SSUH2: variants seen among roughly 807,000 people sequenced by gnomAD.
The protein encoded by SSUH2 is protein SSUH2 homolog.
In SSUH2, 47 loss-of-function variants were observed where a neutral mutation model predicts 55.3. That is an observed-to-expected ratio of 0.85 (90% CI 0.67 to 1.08). The LOEUF (loss-of-function observed/expected upper bound fraction) is 1.08. Ranked by LOEUF, SSUH2 falls within the 50% of genes least tolerant of loss-of-function variation. The pLI is 0.00. For missense variants in SSUH2, 535 were observed against 490.7 expected (o/e 1.09, Z -0.85); for synonymous variants, 212 against 191.5 (o/e 1.11, Z -0.89).
chr3:8,663,180 T>C (rs1310587246), intron 6 of SSUH2, among the ~76,000 whole-genome samples: 2 of 152,202 alleles, frequency 1.3e-5, no homozygotes, highest in Admixed American at 6.5e-5. Context: ...TTATCCCCAT[T>C]TTACAGCTCA....
At chr3:8,677,186 C>T (rs573382263) in intron 3 of SSUH2, 39 of 151,928 alleles carry the variant, frequency 2.6e-4, no homozygotes, top group Non-Finnish European at 5.0e-4. Flanking sequence ...ATCGCGGATC[C>T]TAAGATCCTT....
At chr3:8,625,503 A>T in intron 10 of SSUH2, 39 bp downstream of exon 10, 1 of 1,337,778 alleles carries the variant, frequency 7.5e-7, no homozygotes, top group Middle Eastern at 1.8e-4. Flanking sequence ...CAGAGGAGGA[A>T]CCCAGCTTCC....
intron 1 of SSUH2, among the ~76,000 whole-genome samples, chr3:8,636,886 C>G (rs541567906): frequency 6.6e-6 from 1 of 152,168 alleles, no homozygotes; most frequent in Non-Finnish European, 1.5e-5. Flanking sequence ...AAGGTTGTGA[C>G]TTGCCCAAGA....
Position 8,635,819 on chromosome 3 carries a change from C to T in SSUH2, c.67G>A (p.Ala23Thr), listed in dbSNP as rs1575156278. The change falls in exon 2 of 12, where the codon GCG becomes ACG. Residue 23 changes from alanine to threonine, a missense_variant. Transcript: ENST00000544814. ...CTCTCCAGGAGCTCTGTGGGGGGCG[C>T]CAGAGGACTCTCGGCCTCAAAACTG... ...DLSFEAESPL[A>T]PPTELLERLP... The T allele has an allele frequency of 2.0e-6, 3 of 1,536,062 alleles. No homozygotes were observed. The highest frequency in any genetic ancestry group is 2.7e-5 in the African/African-American group (2 of 73,172).
At chr3:8,667,437 G>A (rs1704091587) in intron 5 of SSUH2, among the ~76,000 whole-genome samples, 2 of 152,162 alleles carry the variant, frequency 1.3e-5, no homozygotes. Context: ...ATTTTGGCTG[G>A]CTTCTTTACC....
intron 1 of SSUH2, chr3:8,640,126 A>C: frequency 1.1e-5 from 5 of 442,116 alleles, no homozygotes; most frequent in Non-Finnish European, 1.5e-5. Flanking sequence ...CAGATTTACA[A>C]GGTGAAAGGG....
At chr3:8,638,220 C>T (rs1700240522) in intron 1 of SSUH2, among the ~76,000 whole-genome samples, 1 of 152,122 alleles carries the variant, frequency 6.6e-6, no homozygotes, top group Admixed American at 6.5e-5. Context: ...AGATCAAGGT[C>T]AGGGCTGGAC....
intron 7 of SSUH2, among the ~76,000 whole-genome samples, chr3:8,628,169 C>A (rs557218903): frequency 6.6e-6 from 1 of 152,220 alleles, no homozygotes; most frequent in East Asian, 1.9e-4. Flanking sequence ...GCTGTGCTCC[C>A]AGTTGGGCTC....
At chr3:8,671,094 G>T in exon 5 of SSUH2, 1 of 276,764 alleles carries the variant, frequency 3.6e-6, no homozygotes, top group South Asian at 3.3e-5. Flanking sequence ...AGTCCCGCTA[G>T]GATATTACGA....
chr3:8,627,851 C>A, intron 7 of SSUH2, 68 bp from the exon 8 acceptor site: 1 of 1,451,672 alleles, frequency 6.9e-7, no homozygotes, highest in South Asian at 1.3e-5. Flanking sequence ...CATCCCAAGA[C>A]CTGGTTCAAA....
intron 10 of SSUH2, among the ~76,000 whole-genome samples, chr3:8,624,169 C>A (rs192423814): frequency 4.6e-5 from 7 of 152,336 alleles, no homozygotes; most frequent in Admixed American, 1.3e-4. Context: ...TTCTGCCAGG[C>A]TTGAAAGCCT....
intron 7 of SSUH2, 31 bp downstream of exon 7, chr3:8,629,633 C>A (rs2125142284): frequency 6.3e-7 from 1 of 1,587,726 alleles, no homozygotes; most frequent in South Asian, 1.1e-5. Flanking sequence ...CACACCCTCA[C>A]TGACTCACCA....
intron 11 of SSUH2, among the ~76,000 whole-genome samples, chr3:8,623,166 C>T (rs1193469434): frequency 6.6e-6 from 1 of 152,184 alleles, no homozygotes; most frequent in Non-Finnish European, 1.5e-5. Flanking sequence ...TTGGGAAGTG[C>T]CAGGGGCCTC....
intron 2 of SSUH2, among the ~76,000 whole-genome samples, chr3:8,679,543 C>T (rs1294212735): frequency 3.5e-5 from 5 of 144,604 alleles, no homozygotes; most frequent in Admixed American, 6.9e-5. Context: ...GCACCCTCAG[C>T]GAGGCAGGAA....
upstream of SSUH2, among the ~76,000 whole-genome samples, chr3:8,646,990 T>C (rs925013339): frequency 2.6e-5 from 4 of 152,238 alleles, no homozygotes; most frequent in African/African-American, 9.6e-5. Flanking sequence ...AGGAGCTGAC[T>C]CTATCAATTG....
Position 8,635,866 on chromosome 3 carries a change from A to G in SSUH2, c.29-9T>C, listed in dbSNP as rs769821181. The G allele has an allele frequency of 6.5e-7, 1 of 1,535,692 alleles. No homozygotes were observed. On this transcript the variant is annotated splice_polypyrimidine_tract_variant and intron_variant, in intron 1 of 11. Coordinates refer to ENST00000544814, the MANE Select transcript of SSUH2 (RefSeq NM_001256748.3). ...ACTGAGGTCCACCACACCTGCAGAA[A>G]GACAAGCATTCCTAAGCCTTGGGTA...
At chr3:8,620,549 G>T (rs369887915) in intron 11 of SSUH2, among the ~76,000 whole-genome samples, 6 of 152,186 alleles carry the variant, frequency 3.9e-5, no homozygotes, top group Non-Finnish European at 8.8e-5. Context: ...CTTTCTAGAT[G>T]TATCTCCTAC....
intron 6 of SSUH2, among the ~76,000 whole-genome samples, chr3:8,630,071 C>G (rs1348542935): frequency 6.6e-6 from 1 of 152,146 alleles, no homozygotes; most frequent in African/African-American, 2.4e-5. Context: ...TCTTTGGGAA[C>G]AGAAGCCATT....
upstream of SSUH2, among the ~76,000 whole-genome samples, chr3:8,649,398 T>C (rs1051466970): frequency 6.6e-6 from 1 of 152,098 alleles, no homozygotes; most frequent in African/African-American, 2.4e-5. Context: ...TCTGGACCCA[T>C]TGTGTGCCCG....
Sources: allele counts gnomAD v4.1 joint callset (sites outside exome capture counted in the v4.1 genomes callset), GRCh38; gene constraint gnomAD v4.1.1; transcripts MANE v1.5; gene names NCBI Gene and HGNC (gene_info 2026-07-23, HGNC 2026-07-21).